TIMM17A: variants seen among roughly 807,000 people sequenced by gnomAD.
The protein encoded by TIMM17A is mitochondrial import inner membrane translocase subunit Tim17-A.
A neutral mutation model predicts 26.5 loss-of-function variants in TIMM17A; 15 were observed. The ratio of observed to expected loss-of-function variants is 0.57; its 90% CI spans 0.38 to 0.87. TIMM17A has a LOEUF of 0.87. Ranked by LOEUF, TIMM17A falls within the 40% of genes least tolerant of loss-of-function variation. The probability of loss-of-function intolerance (pLI) is 0.00; values close to 1 mark genes in which losing one functional copy is unlikely to be tolerated. For synonymous variants in TIMM17A, 80 were observed against 70.8 expected, an observed-to-expected ratio of 1.13 and a Z score of -0.66; for missense variants, 201 against 210.0, an observed-to-expected ratio of 0.96 and a Z score of 0.27.
rs923903374 is a variant in TIMM17A, at chr1:201,957,288, C to T, written c.34C>T (p.Arg12Ter). ...TTTTCCCCCTGTTCTTAGCCCATGG[C>T]GAATTGTGGATGACTGTGGTGGGGC... ...EEYAREPCPW[R>*]IVDDCGGAFT... The change falls in exon 2 of 6, where the codon CGA becomes TGA. Residue 12 changes from arginine (R) to a stop codon, truncating the protein, a stop_gained. Coordinates refer to ENST00000367287, the MANE Select transcript of TIMM17A (RefSeq NM_006335.3). LOFTEE classifies it high-confidence loss of function. The T allele has an allele frequency of 2.5e-6, 4 of 1,606,752 alleles. No individual in the cohort carries two copies. The highest frequency in any genetic ancestry group is 1.7e-5 in the Admixed American group (1 of 59,602).
chr1:201,966,310 C>T lies in TIMM17A; in HGVS notation c.430+767C>T, dbSNP rs139790187. 2.7e-3 allele frequency among the ~76,000 whole-genome samples: 401 copies of T among 150,708 alleles called. 2 individuals are homozygous for T. The highest frequency in any genetic ancestry group is 9.5e-3 in the African/African-American group (388 of 41,010). ...CTGGGAGGTGGAGGTTGCAGTGAGC[C>T]GAGATCACACCACTGCACTCTAGGC... On this transcript the variant is annotated intron_variant, in intron 5 of 5. Coordinates refer to ENST00000367287, the MANE Select transcript of TIMM17A (RefSeq NM_006335.3).
chr1:201,961,229 C>A (rs1682522320), intron 3 of TIMM17A, among the ~76,000 whole-genome samples: 1 of 152,002 alleles, frequency 6.6e-6, no homozygotes, highest in Admixed American at 6.6e-5. Context: ...CCACTTCTGG[C>A]TAAGTTTTTT....
chr1:201,966,425 A>G (rs1682626954), intron 5 of TIMM17A, among the ~76,000 whole-genome samples: 1 of 152,188 alleles, frequency 6.6e-6, no homozygotes. Flanking sequence ...GCTACTCAGG[A>G]GGCCACTCAC....
chr1:201,962,168 A>C (rs1682545393), intron 3 of TIMM17A: 1 of 152,134 alleles, frequency 6.6e-6, no homozygotes, highest in Non-Finnish European at 1.5e-5. Context: ...GGGTCTTGTC[A>C]GAAAATTTTA....
At position 201,970,037 on chromosome 1, in the gene TIMM17A, C is replaced by T. The variant is rs1305619399; in HGVS notation, c.*483C>T. On this transcript the variant is annotated 3_prime_UTR_variant, in exon 6 of 6. Coordinates refer to ENST00000367287, the MANE Select transcript of TIMM17A (RefSeq NM_006335.3). Reference sequence around the variant, plus strand: ...AGTCCCTCATCACTTGAAGTGACTTCTGAGAATTATGCAGAGTCAACATGG... The same window carrying T: ...AGTCCCTCATCACTTGAAGTGACTTTTGAGAATTATGCAGAGTCAACATGG... 6.5e-6 allele frequency: 1 copy of T among 153,594 alleles called. No homozygotes were observed. The highest frequency in any genetic ancestry group is 1.4e-5 in the Non-Finnish European group (1 of 69,064). 9.5% of individuals were successfully genotyped at this position (153,594 alleles called of 1,614,324 possible).
rs557908144 is a variant in TIMM17A, at chr1:201,965,419, A to C, written c.320-14A>C. 1.3e-6 allele frequency: 2 copies of C among 1,546,418 alleles called. No homozygotes were observed. Among genetic ancestry groups the C allele is most frequent in the African/African-American group, 1.4e-5 (1 of 73,752 alleles). ...TTCTGTAAAAAATAATCTCTTTGTT[A>C]TTAATGTCTTCAGATGGACCAGTGG... On this transcript the variant is annotated splice_polypyrimidine_tract_variant and intron_variant, in intron 4 of 5. Coordinates refer to ENST00000367287, the MANE Select transcript of TIMM17A (RefSeq NM_006335.3).
chr1:201,964,944 G>A (rs945715688), intron 4 of TIMM17A, among the ~76,000 whole-genome samples: 9 of 147,128 alleles, frequency 6.1e-5, no homozygotes, highest in African/African-American at 2.0e-4. Flanking sequence ...CACTGCGCCC[G>A]GCCCTATTTA....
Position 201,963,672 on chromosome 1 carries a change from G to A in TIMM17A, c.247G>A (p.Val83Ile), listed in dbSNP as rs1682574264. The change falls in exon 4 of 6, where the codon GTC (valine) becomes ATC (isoleucine). Residue 83 changes from valine (V) to isoleucine (I), a missense_variant. By Grantham distance (29) the Val-to-Ile change is conservative (BLOSUM62 3). Coordinates refer to ENST00000367287, the MANE Select transcript of TIMM17A (RefSeq NM_006335.3). Reference protein sequence around the residue: ...FSMIDCSMVQVRGKEDPWNSI... With the variant: ...FSMIDCSMVQIRGKEDPWNSI... The stretch of plus-strand genomic sequence containing the variant: ...CATGATTGACTGTAGTATGGTTCAA[G>A]TCAGAGGAAAGGAAGATCCCTGGAA... 1.9e-6 allele frequency: 3 copies of A among 1,611,640 alleles called. No homozygotes were observed. The highest frequency in any genetic ancestry group is 2.5e-6 in the Non-Finnish European group (3 of 1,179,336).
At position 201,967,015 on chromosome 1, in the gene TIMM17A, G is replaced by A. The variant is rs202217388; in HGVS notation, c.430+1472G>A. ...GTTGTGTGTGTGTGTGTGTGTGTGTGTATATATATATAGTGAGGATAGTAG... is the reference window on the plus strand; with the variant it reads ...GTTGTGTGTGTGTGTGTGTGTGTGTATATATATATATAGTGAGGATAGTAG... On this transcript the variant is annotated intron_variant, in intron 5 of 5. Coordinates refer to ENST00000367287, the MANE Select transcript of TIMM17A (RefSeq NM_006335.3). Among the ~76,000 whole-genome samples the A allele has an allele frequency of 1.6e-3, 196 of 118,814 alleles. 2 individuals carry two copies. The highest frequency in any genetic ancestry group is 5.2e-3 in the South Asian group (20 of 3,842). 77.9% of individuals were successfully genotyped at this position (118,814 alleles called of 152,430 possible). A position where few individuals can be genotyped will look rare whatever the true frequency, so the allele number is the denominator to read the frequency against.
chr1:201,963,826 T>C, intron 4 of TIMM17A, 82 bp downstream of exon 4: 1 of 1,403,132 alleles, frequency 7.1e-7, no homozygotes, highest in Non-Finnish European at 9.5e-7. Context: ...ACATCTGTAA[T>C]ATATAAAACT....
chr1:201,967,044 T>A (rs1253426648), intron 5 of TIMM17A, among the ~76,000 whole-genome samples: 1 of 129,356 alleles, frequency 7.7e-6, no homozygotes, highest in Non-Finnish European at 1.6e-5. Context: ...ATAGTAGTAG[T>A]GAAAATTTGA....
At chr1:201,961,996 C>T (rs1372712267) in intron 3 of TIMM17A, among the ~76,000 whole-genome samples, 1 of 152,008 alleles carries the variant, frequency 6.6e-6, no homozygotes, top group Non-Finnish European at 1.5e-5. Flanking sequence ...AGACGTTCGC[C>T]TCATCTGGCT....
In TIMM17A at chr1:201,958,623, C is replaced by T. The variant is rs74659715; in HGVS notation, c.190+1049C>T. ...GGCTGACATGGACGGATCACTTGAACCCATGAGGTTGAGGCTGCAGTGAGA... is the reference window on the plus strand; with the variant it reads ...GGCTGACATGGACGGATCACTTGAATCCATGAGGTTGAGGCTGCAGTGAGA... On this transcript the variant is annotated intron_variant, in intron 3 of 5. Transcript: ENST00000367287. 8.1e-3 allele frequency among the ~76,000 whole-genome samples: 1,227 copies of T among 152,264 alleles called. 47 individuals carry two copies. The highest frequency in any genetic ancestry group is 0.059 in the East Asian group (307 of 5,170).
chr1:201,965,226 T>C (rs911838987), intron 4 of TIMM17A, among the ~76,000 whole-genome samples: 2 of 152,302 alleles, frequency 1.3e-5, no homozygotes, highest in Admixed American at 6.5e-5. Flanking sequence ...CTGGGATTTA[T>C]GGCCTTTCAG....
At chr1:201,959,715 C>G (rs555929219) in intron 3 of TIMM17A, among the ~76,000 whole-genome samples, 43 of 152,018 alleles carry the variant, frequency 2.8e-4, no homozygotes, top group African/African-American at 9.9e-4. Context: ...TGGCTCACGA[C>G]TGTAATCCCA....
intron 1 of TIMM17A, among the ~76,000 whole-genome samples, chr1:201,956,821 T>C (rs1682420113): frequency 6.6e-6 from 1 of 152,054 alleles, no homozygotes; most frequent in Non-Finnish European, 1.5e-5. Context: ...CCGGGCGTGG[T>C]GGCACGCGCC....
Position 201,969,773 on chromosome 1 carries a change from C to G in TIMM17A, c.*219C>G, listed in dbSNP as rs1682701923. 1 of 390,766 alleles carries G rather than the reference C, an allele frequency of 2.6e-6. No homozygotes were observed. Among genetic ancestry groups the G allele is most frequent in the African/African-American group, 2.1e-5 (1 of 48,124 alleles). The allele number at this position is 390,766 out of a possible 1,614,324, so 24.2% of individuals were successfully genotyped here. A position where few individuals can be genotyped will look rare whatever the true frequency, so the allele number is the denominator to read the frequency against. ...TTCACACTTGAATTGCATTTGTGAT[C>G]AAAATAAATGTTTAAATCGCTAAAG... On this transcript the variant is annotated 3_prime_UTR_variant, in exon 6 of 6. Transcript: ENST00000367287.
At chr1:201,962,179 G>A (rs1209202266) in intron 3 of TIMM17A, 1 of 152,064 alleles carries the variant, frequency 6.6e-6, no homozygotes. Flanking sequence ...GAAAATTTTA[G>A]TGAGGTAATT....
In TIMM17A at chr1:201,969,945, T is replaced by G. The variant is rs1316507369; in HGVS notation, c.*391T>G. The G allele has an allele frequency of 1.2e-5, 2 of 164,408 alleles. No individual in the cohort carries two copies. Among genetic ancestry groups the G allele is most frequent in the Admixed American group, 1.2e-4 (2 of 16,214 alleles). The allele number at this position is 164,408 out of a possible 1,614,324, so 10.2% of individuals were successfully genotyped here. The stretch of plus-strand genomic sequence containing the variant: ...AAAGCTGGTGGAACTTACTCTTTCT[T>G]TTAAGATAAGTTGTAGACTTCGATG... On this transcript the variant is annotated 3_prime_UTR_variant, in exon 6 of 6. Transcript: ENST00000367287.
Sources: gnomAD v4.1 joint callset for allele counts (sites outside exome capture counted in the v4.1 genomes callset) on GRCh38, gnomAD v4.1.1 for gene constraint, MANE v1.5 for transcripts, NCBI Gene and HGNC (gene_info 2026-07-23, HGNC 2026-07-21) for gene names.